The following BAZ1B variants were observed in gnomAD, a reference collection of about 807,000 sequenced individuals.
BAZ1B encodes tyrosine-protein kinase BAZ1B.
A neutral mutation model predicts 153.8 loss-of-function variants in BAZ1B; 22 were observed. The observed-to-expected ratio is 0.14, with a 90% CI of 0.10 to 0.20. BAZ1B has a LOEUF of 0.20. BAZ1B is among the 10% of genes least tolerant of loss of function. BAZ1B has a pLI of 1.00. For synonymous variants in BAZ1B, 676 were observed against 633.4 expected (o/e 1.07, Z -1.01); for missense variants, 1,325 against 1,799.3 (o/e 0.74, Z 4.77).
chr7:73,500,261 G>C (rs1382563501), intron 3 of BAZ1B, among the ~76,000 whole-genome samples: 1 of 152,200 alleles, frequency 6.6e-6, no homozygotes, highest in Non-Finnish European at 1.5e-5. Context: ...ACACTGGCCA[G>C]GCATGGTGGC....
chr7:73,501,255 TCAAAACAAAA>T (rs782521481), intron 3 of BAZ1B, among the ~76,000 whole-genome samples: 6 of 152,156 alleles, frequency 3.9e-5, no homozygotes, highest in South Asian at 4.1e-4. Flanking sequence ...AAACTCCGCC[TCAAAACAAAA>T]CAAAACAAAA....
chr7:73,444,789 T>A (rs1344916399), intron 16 of BAZ1B, among the ~76,000 whole-genome samples: 138 of 151,862 alleles, frequency 9.1e-4, no homozygotes, highest in African/African-American at 3.2e-3. Flanking sequence ...CTGAGGCAGG[T>A]GGATCACCTG....
chr7:73,498,707 G>A lies in BAZ1B; in HGVS notation c.370-9C>T. 1.9e-6 allele frequency: 3 copies of A among 1,611,368 alleles called. No individual in the cohort carries two copies. Among genetic ancestry groups the A allele is most frequent in the South Asian group, 1.1e-5 (1 of 91,038 alleles). ...ATTTTCTCCTTCCCAACCTATAAAG[G>A]AGGTAGTAGAGAAAATCAGAGATAA... is the stretch of plus-strand genomic sequence containing the variant. On this transcript the variant is annotated splice_polypyrimidine_tract_variant and intron_variant, in intron 3 of 19. Coordinates refer to ENST00000339594, the MANE Select transcript of BAZ1B (RefSeq NM_032408.4).
intron 8 of BAZ1B, 83 bp from the exon 9 acceptor site, chr7:73,469,733 A>T (rs1788725569): frequency 6.7e-7 from 1 of 1,496,182 alleles, no homozygotes; most frequent in African/African-American, 1.4e-5. Flanking sequence ...GATAATACAG[A>T]GTATCACTGA....
At chr7:73,470,174 A>G (rs2116314098) in intron 8 of BAZ1B, among the ~76,000 whole-genome samples, 171 bp downstream of exon 8, 1 of 152,366 alleles carries the variant, frequency 6.6e-6, no homozygotes, top group Non-Finnish European at 1.5e-5. Flanking sequence ...TTAACTTTGC[A>G]ACTCTAGCAT....
intron 8 of BAZ1B, among the ~76,000 whole-genome samples, 164 bp downstream of exon 8, chr7:73,470,181 G>A (rs1046822843): frequency 6.6e-6 from 1 of 152,178 alleles, no homozygotes; most frequent in Non-Finnish European, 1.5e-5. Context: ...TGCAACTCTA[G>A]CATTTGGCAG....
At chr7:73,449,275 G>A (rs1787945878) in intron 15 of BAZ1B, among the ~76,000 whole-genome samples, 1 of 152,146 alleles carries the variant, frequency 6.6e-6, no homozygotes, top group African/African-American at 2.4e-5. Context: ...GCTAAAGGCA[G>A]AGAGAGAGAT....
intron 12 of BAZ1B, chr7:73,462,573 A>G: frequency 3.4e-6 from 1 of 293,572 alleles, no homozygotes; most frequent in East Asian, 1.0e-4. Flanking sequence ...CAAGTGCAGG[A>G]TATGCAAGCA....
intron 16 of BAZ1B, among the ~76,000 whole-genome samples, chr7:73,445,510 C>T (rs963074503): frequency 1.3e-5 from 2 of 152,092 alleles, no homozygotes; most frequent in Non-Finnish European, 2.9e-5. Context: ...AGAGCTACAA[C>T]GTAGAAGTGG....
rs145647147 is a variant in BAZ1B, at chr7:73,504,618, C to T, written c.369+3709G>A. The stretch of plus-strand genomic sequence containing the variant: ...GGCGGAGCTTGCAACGAGCCGAGAT[C>T]GCGCCACCGGACTCCAGCCTGGGCG... On this transcript the variant is annotated intron_variant, in intron 3 of 19. Transcript: ENST00000339594. Among the ~76,000 whole-genome samples, 524 of 151,982 alleles carry T rather than the reference C, an allele frequency of 3.4e-3. 1 individual carries two copies. The highest frequency in any genetic ancestry group is 0.011 in the African/African-American group (444 of 41,456).
intron 6 of BAZ1B, among the ~76,000 whole-genome samples, chr7:73,487,347 T>C (rs1789450889): frequency 6.6e-6 from 1 of 152,254 alleles, no homozygotes. Flanking sequence ...GAGGATCACT[T>C]GAGCCCAGAA....
At chr7:73,466,118 ATCT>A (rs1387841136) in intron 10 of BAZ1B, among the ~76,000 whole-genome samples, 175 bp downstream of exon 10, 2 of 152,236 alleles carry the variant, frequency 1.3e-5, no homozygotes, top group Admixed American at 1.3e-4. Context: ...AAAAACAAGT[ATCT>A]TCTTAACAAA....
chr7:73,483,830 G>A (rs1789292049), intron 6 of BAZ1B, among the ~76,000 whole-genome samples: 1 of 152,054 alleles, frequency 6.6e-6, no homozygotes, highest in Admixed American at 6.6e-5. Flanking sequence ...TGTAGAAACA[G>A]GGTCTCGCCA....
At chr7:73,454,076 A>T (rs1788109402) in intron 13 of BAZ1B, among the ~76,000 whole-genome samples, 1 of 152,112 alleles carries the variant, frequency 6.6e-6, no homozygotes, top group Non-Finnish European at 1.5e-5. Flanking sequence ...AGATGGGAGG[A>T]GCACTGGAGC....
intron 13 of BAZ1B, among the ~76,000 whole-genome samples, chr7:73,451,651 C>T (rs1343691945): frequency 6.6e-6 from 1 of 152,156 alleles, no homozygotes; most frequent in Non-Finnish European, 1.5e-5. Context: ...TATAAACACA[C>T]ATACAAAAAT....
intron 5 of BAZ1B, among the ~76,000 whole-genome samples, chr7:73,490,970 T>A (rs541724294): frequency 6.6e-6 from 1 of 151,430 alleles, no homozygotes; most frequent in East Asian, 2.0e-4. Context: ...AAAATTGTAT[T>A]TAACAATATC....
chr7:73,449,555 T>C lies in BAZ1B; in HGVS notation c.3715A>G (p.Asn1239Asp), dbSNP rs1554567620. 6.2e-7 allele frequency: 1 copy of C among 1,611,730 alleles called. No individual in the cohort carries two copies. The highest frequency in any genetic ancestry group is 1.1e-5 in the South Asian group (1 of 90,492). Residue 1239 changes from asparagine (N) to aspartate (D), a missense_variant, in exon 15 of 20, where the codon AAC becomes GAC. Asn to Asp is a conservative substitution (Grantham distance 23). Around this residue, in one of 9 missense-constraint regions of BAZ1B, gnomAD observed 271 missense variants for 337.2 expected, o/e 0.80. Transcript: ENST00000339594. ...PACQPATARR[N>D]SRGRNYTEES... ...AAAGATTCTCACCTGCCACGGGAGT[T>C]GCGCCTGGCAGTAGCGGGCTGGCAA...
At chr7:73,485,447 C>CA (rs1193824387) in intron 6 of BAZ1B, among the ~76,000 whole-genome samples, 1 of 151,606 alleles carries the variant, frequency 6.6e-6, no homozygotes, top group African/African-American at 2.4e-5. Context: ...AGTGAGACTC[C>CA]ATCTTTACAA....
At chr7:73,446,803 C>A (rs538984623) in intron 16 of BAZ1B, among the ~76,000 whole-genome samples, 27 of 152,308 alleles carry the variant, frequency 1.8e-4, no homozygotes, top group African/African-American at 6.3e-4. Flanking sequence ...TCTTTTCAAA[C>A]CAGCAAAGCT....
Sources: allele counts gnomAD v4.1 joint callset (sites outside exome capture counted in the v4.1 genomes callset), GRCh38; gene constraint gnomAD v4.1.1; regional missense constraint gnomAD v4.1.1; transcripts MANE v1.5; gene names NCBI Gene and HGNC (gene_info 2026-07-23, HGNC 2026-07-21).